The following TRAF5 variants were observed in gnomAD, a reference collection of about 807,000 sequenced individuals.
TRAF5 encodes the protein TNF receptor associated factor 5, also known as TNF receptor-associated factor 5.
TRAF5 carries 48 observed loss-of-function variants against 64.5 expected under a neutral mutation model. The observed-to-expected ratio is 0.74, with a 90% confidence interval of 0.59 to 0.95. The LOEUF (loss-of-function observed/expected upper bound fraction) is 0.95. Ranked by LOEUF, TRAF5 falls within the 40% of genes least tolerant of loss-of-function variation. The pLI is 0.00. For synonymous variants in TRAF5, 206 were observed against 240.5 expected (o/e 0.86, Z 1.33); for missense variants, 545 against 662.8 (o/e 0.82, Z 1.95).
intron 1 of TRAF5, among the ~76,000 whole-genome samples, chr1:211,335,779 G>A (rs1378270086): frequency 6.6e-6 from 1 of 152,184 alleles, no homozygotes; most frequent in Non-Finnish European, 1.5e-5. Flanking sequence ...CTGTAAGGGG[G>A]AAAGGTTCTC....
Position 211,352,645 on chromosome 1 carries a change from A to G in TRAF5, c.-1-594A>G, listed in dbSNP as rs558043140. On this transcript the variant is annotated intron_variant, in intron 1 of 10. Transcript: ENST00000261464. ...TGTCTCTGAAAAAAAGAAAAAAAGT[A>G]TTAGTCTGTTTGTGCTGACGTAACA... Among the ~76,000 whole-genome samples the G allele has an allele frequency of 2.6e-5, 4 of 151,984 alleles. No individual in the cohort carries two copies. In the South Asian group the frequency reaches 8.3e-4, roughly 32 times the overall value.
intron 1 of TRAF5, among the ~76,000 whole-genome samples, chr1:211,338,947 G>C (rs1702375798): frequency 6.6e-6 from 1 of 152,208 alleles, no homozygotes; most frequent in Admixed American, 6.5e-5. Context: ...AGAAGGGTTT[G>C]AACCCCAGCA....
chr1:211,357,587 T>TCCCCCCC (rs1558142593), intron 4 of TRAF5: 3 of 151,520 alleles, frequency 2.0e-5, no homozygotes, highest in Non-Finnish European at 3.0e-5. Context: ...ATTCCTTGTT[T>TCCCCCCC]CCCACCCACC....
At chr1:211,350,218 CTT>C (rs1238641704) in intron 1 of TRAF5, among the ~76,000 whole-genome samples, 2 of 135,506 alleles carry the variant, frequency 1.5e-5, no homozygotes. Flanking sequence ...TTTTTTCTTT[CTT>C]TTTTTTTTTT....
Position 211,361,161 on chromosome 1 carries a change from C to T in TRAF5, c.695C>T (p.Thr232Met), listed in dbSNP as rs113925874. 123 of 1,613,848 alleles carry T rather than the reference C, an allele frequency of 7.6e-5. No individual in the cohort carries two copies. The highest frequency in any genetic ancestry group is 4.9e-4 in the Middle Eastern group (3 of 6,084). Residue 232 changes from threonine (T) to methionine (M), a missense_variant and splice_region_variant, in exon 7 of 11, where the codon ACG (threonine) becomes ATG (methionine). Thr to Met is a moderately conservative substitution (Grantham distance 81). Coordinates refer to ENST00000261464, the MANE Select transcript of TRAF5 (RefSeq NM_001033910.3). ...TTTAAGCACTATGGCTGTGCTGTAA[C>T]GGTATGGAATGACTTTTTGTTTCTG... is the stretch of plus-strand genomic sequence containing the variant. Reference protein sequence around the residue: ...CPFKHYGCAVTDKRRNLQQHE... With the variant: ...CPFKHYGCAVMDKRRNLQQHE...
At chr1:211,353,627 C>T (rs1033781382) in intron 2 of TRAF5, 170 bp downstream of exon 2, 1 of 657,766 alleles carries the variant, frequency 1.5e-6, no homozygotes, top group Non-Finnish European at 2.6e-6. Flanking sequence ...GAAGAATAAT[C>T]ATTTTTTGGT....
At chr1:211,343,086 A>G (rs1251498767) in intron 1 of TRAF5, among the ~76,000 whole-genome samples, 2 of 152,196 alleles carry the variant, frequency 1.3e-5, no homozygotes, top group Non-Finnish European at 2.9e-5. Flanking sequence ...TAGTGGCTGT[A>G]CTAATTTACA....
intron 1 of TRAF5, among the ~76,000 whole-genome samples, chr1:211,332,410 T>G (rs531716564): frequency 6.6e-6 from 1 of 152,188 alleles, no homozygotes; most frequent in African/African-American, 2.4e-5. Flanking sequence ...GCGTATGGCT[T>G]AGAACAGCCA....
intron 1 of TRAF5, among the ~76,000 whole-genome samples, chr1:211,339,768 G>T (rs541688538): frequency 3.3e-5 from 5 of 152,188 alleles, no homozygotes; most frequent in African/African-American, 1.2e-4. Flanking sequence ...AGCGTCTCTC[G>T]TCTGCTTCCT....
chr1:211,343,811 G>C (rs1344658147), intron 1 of TRAF5, among the ~76,000 whole-genome samples: 2 of 152,022 alleles, frequency 1.3e-5, no homozygotes, highest in East Asian at 1.9e-4. Context: ...ACTGATTATT[G>C]AGTCATCTGA....
chr1:211,368,033 G>A (rs1453830902), intron 8 of TRAF5, among the ~76,000 whole-genome samples: 1 of 152,114 alleles, frequency 6.6e-6, no homozygotes, highest in Non-Finnish European at 1.5e-5. Flanking sequence ...GGCGGGTGGT[G>A]CAAGTAAGGA....
At position 211,339,848 on chromosome 1, in the gene TRAF5, T is replaced by C. The variant is rs578258128; in HGVS notation, c.-2+12959T>C. On this transcript the variant is annotated intron_variant, in intron 1 of 10. Coordinates refer to ENST00000261464, the MANE Select transcript of TRAF5 (RefSeq NM_001033910.3). ...ATTGCCCTGTGTGCCTCTCACAACA[T>C]GTACCCCAGCCACAGTCCTCCCAGC... 1.3e-3 allele frequency among the ~76,000 whole-genome samples: 202 copies of C among 152,282 alleles called. 1 individual carries two copies. The highest frequency in any genetic ancestry group is 4.6e-3 in the African/African-American group (193 of 41,576).
chr1:211,354,463 A>G lies in TRAF5; in HGVS notation c.272A>G (p.Gln91Arg). The change falls in exon 3 of 11, where the codon CAG becomes CGG. Residue 91 changes from glutamine (Q) to arginine (R), a missense_variant. By Grantham distance (43) the Gln-to-Arg change is conservative. Transcript: ENST00000261464. The stretch of plus-strand genomic sequence containing the variant: ...GTAGATAAAGAGGTCATCAAATCTC[A>G]GGAGGTAAGAAAGTCACTGCTTTTG... ...CPVDKEVIKSQEVFKDNCCKR... is the reference protein window; with the variant it reads ...CPVDKEVIKSREVFKDNCCKR... The G allele has an allele frequency of 6.2e-7, 1 of 1,609,648 alleles. No individual in the cohort carries two copies. The highest frequency in any genetic ancestry group is 8.5e-7 in the Non-Finnish European group (1 of 1,175,970).
In TRAF5 at chr1:211,353,339, C is replaced by A. The variant is rs756378519; in HGVS notation, c.100C>A (p.Gln34Lys). 6.2e-7 allele frequency: 1 copy of A among 1,614,098 alleles called. No individual in the cohort carries two copies. Among genetic ancestry groups the A allele is most frequent in the East Asian group, 2.2e-5 (1 of 44,894 alleles). Residue 34 changes from glutamine (Q) to lysine (K), a missense_variant, in exon 2 of 11, where the codon CAG becomes AAG. Coordinates refer to ENST00000261464, the MANE Select transcript of TRAF5 (RefSeq NM_001033910.3). ...GGACTTTGAGCCCAGTATAGAGTAC[C>A]AGTTTGTGGAGCGGTTGGAAGAGCG... ...SLDFEPSIEY[Q>K]FVERLEERYK...
chr1:211,350,384 T>C (rs1284048477), intron 1 of TRAF5, among the ~76,000 whole-genome samples: 1 of 99,870 alleles, frequency 1.0e-5, no homozygotes, highest in East Asian at 2.6e-4. Context: ...GTGTGGTGTA[T>C]TAGAAGAACA....
At chr1:211,333,300 T>TG (rs1369409181) in intron 1 of TRAF5, among the ~76,000 whole-genome samples, 1 of 144,638 alleles carries the variant, frequency 6.9e-6, no homozygotes, top group Non-Finnish European at 1.5e-5. Flanking sequence ...GCGATTCTCC[T>TG]GCCTCAGCTT....
Position 211,372,370 on chromosome 1 carries a change from C to A in TRAF5, c.1342C>A (p.Leu448Met), listed in dbSNP as rs1703566537. 1.2e-6 allele frequency: 2 copies of A among 1,614,074 alleles called. No homozygotes were observed. The highest frequency in any genetic ancestry group is 1.7e-5 in the Admixed American group (1 of 60,014). The change falls in exon 11 of 11, where the codon CTG (leucine) becomes ATG (methionine). Residue 448 changes from leucine (L) to methionine (M), a missense_variant. Coordinates refer to ENST00000261464, the MANE Select transcript of TRAF5 (RefSeq NM_001033910.3). ...CGYRLCARAY[L>M]NGDGSGRGSH... ...CTACCGGCTCTGTGCTAGAGCATACCTGAATGGGGATGGGTCAGGGAGGGG... is the reference window on the plus strand; with the variant it reads ...CTACCGGCTCTGTGCTAGAGCATACATGAATGGGGATGGGTCAGGGAGGGG...
chr1:211,354,665 C>A (rs1445845186), intron 3 of TRAF5, among the ~76,000 whole-genome samples, 198 bp downstream of exon 3: 1 of 152,000 alleles, frequency 6.6e-6, no homozygotes, highest in African/African-American at 2.4e-5. Flanking sequence ...TGACCACACC[C>A]CTCCTCCACC....
At chr1:211,360,168 C>T in intron 5 of TRAF5, 92 bp downstream of exon 5, 1 of 1,333,290 alleles carries the variant, frequency 7.5e-7, no homozygotes, top group Non-Finnish European at 1.0e-6. Context: ...GAAGAACATT[C>T]CTGCATTTAT....
Sources: allele counts gnomAD v4.1 joint callset (sites outside exome capture counted in the v4.1 genomes callset), GRCh38; gene constraint gnomAD v4.1.1; transcripts MANE v1.5; gene names NCBI Gene and HGNC (gene_info 2026-07-23, HGNC 2026-07-21).